INO80D: variants seen among roughly 807,000 people sequenced by gnomAD.
INO80D encodes INO80 complex subunit D.
In INO80D, 21 loss-of-function variants were observed where a neutral mutation model predicts 87.6. The ratio of observed to expected loss-of-function variants is 0.24; its 90% CI spans 0.17 to 0.35. The LOEUF (loss-of-function observed/expected upper bound fraction) is 0.35. Ranked by LOEUF, INO80D falls within the 10% of genes least tolerant of loss-of-function variation. INO80D has a pLI of 1.00. For missense variants in INO80D, 982 were observed against 1,280.7 expected (o/e 0.77, Z 3.56); for synonymous variants, 440 against 491.0 (o/e 0.90, Z 1.37).
At chr2:206,019,985 G>A in intron 6 of INO80D, 140 bp from the exon 7 acceptor site, 1 of 535,054 alleles carries the variant, frequency 1.9e-6, no homozygotes, top group Non-Finnish European at 3.3e-6. Flanking sequence ...AAATGCAAAT[G>A]TGATTTAAAG....
At chr2:206,043,961 G>A (rs1689127602) in intron 5 of INO80D, among the ~76,000 whole-genome samples, 1 of 152,152 alleles carries the variant, frequency 6.6e-6, no homozygotes, top group African/African-American at 2.4e-5. Flanking sequence ...GGAGGCTAAG[G>A]CAGGAAGATC....
chr2:206,072,786 AT>A (rs541806467), intron 1 of INO80D, among the ~76,000 whole-genome samples: 3 of 152,000 alleles, frequency 2.0e-5, no homozygotes, highest in Non-Finnish European at 2.9e-5. Context: ...TTATTATAGA[AT>A]TTTTTTACAA....
Position 206,062,708 on chromosome 2 carries a change from G to T in INO80D, c.218+91C>A. On this transcript the variant is annotated intron_variant, in intron 3 of 10. Coordinates refer to ENST00000403263, the MANE Select transcript of INO80D (RefSeq NM_017759.5). The surrounding 1 kb of genome is among the most constrained non-coding windows in gnomAD (Gnocchi z 4.6). Reference sequence around the variant, plus strand: ...AGGAAGGGAGGGAGGGAGAAATGAAGGACAGAAGAAAAGAGAAGAAAAAAC... The same window carrying T: ...AGGAAGGGAGGGAGGGAGAAATGAATGACAGAAGAAAAGAGAAGAAAAAAC... 9.4e-7 allele frequency: 1 copy of T among 1,066,790 alleles called. No homozygotes were observed. Among genetic ancestry groups the T allele is most frequent in the South Asian group, 1.5e-5 (1 of 65,962 alleles). 66.1% of individuals were successfully genotyped at this position (1,066,790 alleles called of 1,614,324 possible). A position where few individuals can be genotyped will look rare whatever the true frequency, so the allele number is the denominator to read the frequency against.
At chr2:206,079,179 C>A (rs1190458847) in intron 1 of INO80D, among the ~76,000 whole-genome samples, 5 of 151,984 alleles carry the variant, frequency 3.3e-5, no homozygotes, top group African/African-American at 1.2e-4. Flanking sequence ...TTCAAGCGAT[C>A]CTCTCACCTC....
At chr2:206,005,894 T>C (rs1394579411) in intron 10 of INO80D, among the ~76,000 whole-genome samples, 3 of 152,180 alleles carry the variant, frequency 2.0e-5, no homozygotes, top group African/African-American at 2.4e-5. Flanking sequence ...ATCATTAACA[T>C]AGAAAACATA....
Position 206,056,756 on chromosome 2 carries a change from C to A in INO80D, c.406G>T (p.Ala136Ser), listed in dbSNP as rs768417757. The change falls in exon 4 of 11, where the codon GCA (alanine) becomes TCA (serine). Residue 136 changes from alanine to serine, a missense_variant. Ala to Ser is a moderately conservative substitution (Grantham distance 99). Transcript: ENST00000403263. ...LDGMSLSPPG[A>S]RVPLHYLETE... The stretch of plus-strand genomic sequence containing the variant: ...TCCAGGTAGTGGAGAGGGACCCTTG[C>A]CCCAGGTGGAGAGAGGGACATTCCA... The A allele has an allele frequency of 2.5e-6, 4 of 1,612,748 alleles. No individual in the cohort carries two copies. In the East Asian group the frequency reaches 6.7e-5, roughly 27 times the overall value.
rs1289527920 is a variant in INO80D, at chr2:206,000,718, A to C, written c.*3650T>G. The C allele has an allele frequency of 1.3e-5, 2 of 152,184 alleles. No homozygotes were observed. The highest frequency in any genetic ancestry group is 2.9e-5 in the Non-Finnish European group (2 of 68,030). The allele number at this position is 152,184 out of a possible 1,614,324, so 9.4% of individuals were successfully genotyped here. A position where few individuals can be genotyped will look rare whatever the true frequency, so the allele number is the denominator to read the frequency against. On this transcript the variant is annotated 3_prime_UTR_variant, in exon 11 of 11. Coordinates refer to ENST00000403263, the MANE Select transcript of INO80D (RefSeq NM_017759.5). ...TAACTGCAGGTGAGAGATTGGGCTT[A>C]TTTAAAAATAAATCTTATAAATAAT... is the stretch of plus-strand genomic sequence containing the variant.
In INO80D at chr2:205,999,881, T is replaced by C. The variant is rs1687874529; in HGVS notation, c.*4487A>G. On this transcript the variant is annotated 3_prime_UTR_variant, in exon 11 of 11. Transcript: ENST00000403263. ...AGATGTTAAGACATTATTAAACTGT[T>C]TTAACTTTTCTACAGAATGCCAGTG... 6.6e-6 allele frequency: 1 copy of C among 152,202 alleles called. No individual in the cohort carries two copies. The highest frequency in any genetic ancestry group is 1.5e-5 in the Non-Finnish European group (1 of 68,030). The allele number at this position is 152,202 out of a possible 1,614,324, so 9.4% of individuals were successfully genotyped here.
intron 1 of INO80D, among the ~76,000 whole-genome samples, chr2:206,080,591 T>A (rs953090379): frequency 1.3e-5 from 2 of 152,130 alleles, no homozygotes; most frequent in Admixed American, 1.3e-4. Context: ...AGGCAAGAAC[T>A]CATTAAAAAT....
At chr2:206,041,219 AATC>A in intron 5 of INO80D, among the ~76,000 whole-genome samples, 1 of 152,218 alleles carries the variant, frequency 6.6e-6, no homozygotes, top group Admixed American at 6.5e-5. Context: ...AAATATCAAT[AATC>A]ATATTAAATT....
At chr2:206,026,503 G>A (rs1310711294) in intron 6 of INO80D, among the ~76,000 whole-genome samples, 1 of 151,466 alleles carries the variant, frequency 6.6e-6, no homozygotes, top group Non-Finnish European at 1.5e-5. Context: ...CCAAGATCGT[G>A]CCACTTCACT....
chr2:206,009,639 G>A lies in INO80D; in HGVS notation c.1698C>T (p.Val566=), dbSNP rs1157998834. 4 of 1,613,950 alleles carry A rather than the reference G, an allele frequency of 2.5e-6. No individual in the cohort carries two copies. The highest frequency in any genetic ancestry group is 2.2e-5 in the South Asian group (2 of 91,074). Residue 566 remains valine (V), a synonymous_variant, in exon 9 of 11, where the codon GTC becomes GTT. Coordinates refer to ENST00000403263, the MANE Select transcript of INO80D (RefSeq NM_017759.5). ...CGGGCATGCTGAGGTTCCCTTGGGG[G>A]ACTGCAGGTGGAATGGGTTTTTGGG... The part of the protein sequence containing the change: ...RRPQKPIPPA[V]PQGNLSMPAS...
intron 1 of INO80D, chr2:206,084,631 A>T (rs1575907080): frequency 6.6e-6 from 1 of 151,438 alleles, no homozygotes; most frequent in Non-Finnish European, 1.5e-5. Context: ...TGCTCCAGAA[A>T]CCCTGCCTGA....
intron 5 of INO80D, chr2:206,040,285 C>CAA (rs35227213): frequency 0.089 from 7,207 of 80,580 alleles, 395 homozygotes; most frequent in Admixed American, 0.19. Context: ...GACTCTGTCT[C>CAA]AAAAAAAAAA....
In INO80D at chr2:206,056,488, G is replaced by C. The variant is rs763688588; in HGVS notation, c.674C>G (p.Pro225Arg). ...AGGTGACTTGCAGACTGAACCCTGC[G>C]GTGGCGCTGGAGGTTTTAAAGAAGT... Reference protein sequence around the residue: ...LSTSLKPPAPPQGSVCKSPQP... With the variant: ...LSTSLKPPAPRQGSVCKSPQP... The change falls in exon 4 of 11, where the codon CCG becomes CGG. Residue 225 changes from proline to arginine, a missense_variant. Pro to Arg is a moderately radical substitution (Grantham distance 103). Coordinates refer to ENST00000403263, the MANE Select transcript of INO80D (RefSeq NM_017759.5). 6.2e-7 allele frequency: 1 copy of C among 1,613,862 alleles called. No individual in the cohort carries two copies. The highest frequency in any genetic ancestry group is 1.1e-5 in the South Asian group (1 of 91,048).
At chr2:206,056,994 A>G (rs1689543908) in intron 3 of INO80D, 51 bp from the exon 4 acceptor site, 1 of 1,479,732 alleles carries the variant, frequency 6.8e-7, no homozygotes, top group Non-Finnish European at 9.0e-7. Context: ...ATATTTTTTA[A>G]AAGTAGAACA....
At position 206,062,256 on chromosome 2, in the gene INO80D, G is replaced by A. The variant is rs1267205494; in HGVS notation, c.218+543C>T. Among the ~76,000 whole-genome samples the A allele has an allele frequency of 6.6e-6, 1 of 152,070 alleles. No individual in the cohort carries two copies. The highest frequency in any genetic ancestry group is 2.4e-5 in the African/African-American group (1 of 41,416). ...CCAAACACTGGTGAGAAGTCTGATA[G>A]GAAATAAATCTAACTGATTCAAGTA... On this transcript the variant is annotated intron_variant, in intron 3 of 10. Coordinates refer to ENST00000403263, the MANE Select transcript of INO80D (RefSeq NM_017759.5). This position sits in a 1 kb window ranked among gnomAD's most constrained non-coding sequence, Gnocchi z 4.6.
At chr2:206,010,237 T>C (rs1688135460) in intron 8 of INO80D, among the ~76,000 whole-genome samples, 1 of 151,968 alleles carries the variant, frequency 6.6e-6, no homozygotes, top group South Asian at 2.1e-4. Flanking sequence ...GGAGCACATA[T>C]TCATTACTGA....
intron 6 of INO80D, among the ~76,000 whole-genome samples, chr2:206,024,600 A>G (rs1003794465): frequency 2.6e-5 from 4 of 152,204 alleles, no homozygotes; most frequent in African/African-American, 4.8e-5. Context: ...CAGTGCATCC[A>G]TGTGAGATAT....
Sources: gnomAD v4.1 joint callset for allele counts (sites outside exome capture counted in the v4.1 genomes callset) on GRCh38, gnomAD v4.1.1 for gene constraint, Gnocchi (gnomAD v3.1) non-coding constraint, MANE v1.5 for transcripts, NCBI Gene and HGNC (gene_info 2026-07-23, HGNC 2026-07-21) for gene names.